Variants in MYO10 observed in about 807,000 individuals in gnomAD.
The protein encoded by MYO10 is myosin X, also known as unconventional myosin-X.
Under a neutral mutation model 257.3 loss-of-function variants are expected in MYO10, and 133 were observed. That is an observed-to-expected ratio of 0.52 (90% CI 0.45 to 0.60). The LOEUF (loss-of-function observed/expected upper bound fraction) is 0.60, where lower values mean the gene tolerates loss of function less well. MYO10 is among the 20% of genes least tolerant of loss of function. The probability of loss-of-function intolerance (pLI) is 0.00; values close to 1 mark genes in which losing one functional copy is unlikely to be tolerated. For missense variants in MYO10, 2,399 were observed against 2,635.7 expected (o/e 0.91, Z 1.97); for synonymous variants, 1,104 against 1,028.6 (o/e 1.07, Z -1.40).
At chr5:16,910,955 AT>A (rs1728900236) in intron 1 of MYO10, among the ~76,000 whole-genome samples, 1 of 150,100 alleles carries the variant, frequency 6.7e-6, no homozygotes, top group African/African-American at 2.5e-5. Context: ...CAGCTCTTAA[AT>A]AAAAAAAAAG....
At chr5:16,827,605 G>C (rs1743039892) in intron 2 of MYO10, among the ~76,000 whole-genome samples, 1 of 152,090 alleles carries the variant, frequency 6.6e-6, no homozygotes. Flanking sequence ...CTTTATATAC[G>C]TAACTCTTCT....
intron 1 of MYO10, among the ~76,000 whole-genome samples, chr5:16,898,932 G>GGTCAGAAGTT (rs1208710752): frequency 2.7e-5 from 2 of 72,798 alleles, no homozygotes; most frequent in Non-Finnish European, 6.5e-5. Context: ...GATCACCTGA[G>GGTCAGAAGTT]CCTGGCCACC....
chr5:16,718,225 G>C (rs1738975398), intron 19 of MYO10, among the ~76,000 whole-genome samples: 3 of 152,326 alleles, frequency 2.0e-5, no homozygotes, highest in Admixed American at 2.0e-4. Flanking sequence ...CGCCATGCCT[G>C]AGCCTCCCAC....
rs553782465 is a variant in MYO10, at chr5:16,789,820, C to T, written c.467+4826G>A. ...AAAACAGAAATACAGACTTCACAGGCAGAGAGACTGAAGTTCAAATCCTAT... is the reference window on the plus strand; with the variant it reads ...AAAACAGAAATACAGACTTCACAGGTAGAGAGACTGAAGTTCAAATCCTAT... On this transcript the variant is annotated intron_variant, in intron 4 of 40. Transcript: ENST00000513610. 3.1e-4 allele frequency among the ~76,000 whole-genome samples: 47 copies of T among 152,246 alleles called. No homozygotes were observed. The South Asian group carries it at 9.3e-3, about 30-fold the overall frequency.
chr5:16,783,822 C>T (rs962727820), intron 4 of MYO10, among the ~76,000 whole-genome samples: 5 of 152,156 alleles, frequency 3.3e-5, no homozygotes, highest in African/African-American at 2.4e-5. Context: ...ACTGTGTAAA[C>T]GTTTGGTTAA....
intron 1 of MYO10, among the ~76,000 whole-genome samples, chr5:16,923,648 C>A (rs1333498993): frequency 2.8e-5 from 4 of 143,592 alleles, no homozygotes; most frequent in Non-Finnish European, 4.5e-5. Flanking sequence ...AAATAATAAG[C>A]CTTAAACACG....
At chr5:16,718,359 G>A (rs529600430) in intron 19 of MYO10, among the ~76,000 whole-genome samples, 1 of 152,356 alleles carries the variant, frequency 6.6e-6, no homozygotes, top group East Asian at 1.9e-4. Context: ...AGGACTGGCA[G>A]GCAGCTCCAC....
At chr5:16,885,686 A>C (rs1411887343) in intron 1 of MYO10, among the ~76,000 whole-genome samples, 2 of 151,926 alleles carry the variant, frequency 1.3e-5, no homozygotes, top group Non-Finnish European at 2.9e-5. Context: ...AAAACAACAA[A>C]AAAAAACGGC....
intron 3 of MYO10, among the ~76,000 whole-genome samples, chr5:16,812,092 C>G (rs886082464): frequency 1.3e-5 from 2 of 152,178 alleles, no homozygotes; most frequent in African/African-American, 4.8e-5. Flanking sequence ...AGCCAACCCC[C>G]TCTCCTCAAG....
intron 1 of MYO10, among the ~76,000 whole-genome samples, chr5:16,878,149 C>G (rs1370352444): frequency 6.6e-6 from 1 of 152,182 alleles, no homozygotes; most frequent in Middle Eastern, 3.2e-3. Context: ...TAGGTCTCAA[C>G]AAGCCTTCAC....
intron 1 of MYO10, among the ~76,000 whole-genome samples, chr5:16,923,487 C>T (rs1746046386): frequency 6.6e-6 from 1 of 151,768 alleles, no homozygotes; most frequent in African/African-American, 2.4e-5. Flanking sequence ...TGGGGTTTCA[C>T]TGTGTTAGCC....
chr5:16,670,843 A>G lies in MYO10; in HGVS notation c.5566T>C (p.Ser1856Pro). Residue 1856 changes from serine (S) to proline (P), a missense_variant, in exon 39 of 41, where the codon TCC becomes CCC. Transcript: ENST00000513610. ...ATGCGGGCCTTGAGTCTCTGCAGGGAATAAACCTCTTCGAGAGGTGGGATG... is the reference window on the plus strand; with the variant it reads ...ATGCGGGCCTTGAGTCTCTGCAGGGGATAAACCTCTTCGAGAGGTGGGATG... ...AAIPPLEEVY[S>P]LQRLKARISQ... 6.2e-7 allele frequency: 1 copy of G among 1,613,974 alleles called. No individual in the cohort carries two copies. Among genetic ancestry groups the G allele is most frequent in the Non-Finnish European group, 8.5e-7 (1 of 1,179,886 alleles).
At chr5:16,881,749 A>G (rs1382056352) in intron 1 of MYO10, among the ~76,000 whole-genome samples, 1 of 152,184 alleles carries the variant, frequency 6.6e-6, no homozygotes, top group East Asian at 1.9e-4. Context: ...CTATTAGAAC[A>G]CATGTGCCCA....
intron 4 of MYO10, among the ~76,000 whole-genome samples, chr5:16,793,753 A>C (rs1741842394): frequency 6.6e-6 from 1 of 152,048 alleles, no homozygotes; most frequent in African/African-American, 2.4e-5. Context: ...AACACAGAGA[A>C]ACTCCGTCTC....
intron 19 of MYO10, among the ~76,000 whole-genome samples, chr5:16,747,645 G>A (rs1236573131): frequency 5.9e-5 from 9 of 152,140 alleles, no homozygotes; most frequent in African/African-American, 1.9e-4. Flanking sequence ...GAGGCTGGAC[G>A]CGGTGGCTCA....
chr5:16,796,479 A>AAGG (rs1741974855), intron 3 of MYO10, among the ~76,000 whole-genome samples: 1 of 116,144 alleles, frequency 8.6e-6, no homozygotes, highest in Non-Finnish European at 1.7e-5. Flanking sequence ...AAAAGAAAAG[A>AAGG]AAAGAAAGAA....
chr5:16,866,014 AACACACACACACACACACACACACAC>A (rs34718010), intron 2 of MYO10, among the ~76,000 whole-genome samples: 1 of 136,484 alleles, frequency 7.3e-6, no homozygotes, highest in Non-Finnish European at 1.6e-5. Flanking sequence ...TATTTACCCA[AACACACACACACACACACACACACAC>A]ACACACACAC....
chr5:16,683,758 G>C, intron 30 of MYO10, 122 bp downstream of exon 30: 1 of 908,950 alleles, frequency 1.1e-6, no homozygotes, highest in Non-Finnish European at 1.7e-6. Flanking sequence ...TGACAAGGTG[G>C]GAACACACAG....
intron 19 of MYO10, among the ~76,000 whole-genome samples, chr5:16,712,762 T>C (rs775574262): frequency 2.8e-4 from 42 of 152,206 alleles, no homozygotes; most frequent in Non-Finnish European, 5.0e-4. Context: ...AACACTGTGG[T>C]CAAATTGTCT....
Sources: gnomAD v4.1 joint callset for allele counts (sites outside exome capture counted in the v4.1 genomes callset) on GRCh38, gnomAD v4.1.1 for gene constraint, MANE v1.5 for transcripts, NCBI Gene and HGNC (gene_info 2026-07-23, HGNC 2026-07-21) for gene names.